The following ENPP2 variants were observed in gnomAD, a reference collection of about 807,000 sequenced individuals.
The protein encoded by ENPP2 is autotaxin.
ENPP2 carries 51 observed loss-of-function variants against 120.2 expected under a neutral mutation model. The observed-to-expected ratio is 0.42, with a 90% CI of 0.34 to 0.54. The LOEUF (loss-of-function observed/expected upper bound fraction) is 0.54. ENPP2 is among the 20% of genes least tolerant of loss of function. The pLI is 0.04. For synonymous variants in ENPP2, 365 were observed against 366.4 expected (o/e 1.00, Z 0.04); for missense variants, 920 against 1,066.5 (o/e 0.86, Z 1.91).
intron 8 of ENPP2, 136 bp downstream of exon 8, chr8:119,616,129 A>C (rs1214776806): frequency 1.4e-6 from 1 of 690,382 alleles, no homozygotes; most frequent in African/African-American, 1.8e-5. Flanking sequence ...TGTATATTAA[A>C]AGTATCAAAA....
chr8:119,623,284 T>C (rs1460141182), intron 3 of ENPP2, among the ~76,000 whole-genome samples: 3 of 151,916 alleles, frequency 2.0e-5, no homozygotes. Context: ...GCCAACATGG[T>C]GAAACCCCGT....
At chr8:119,573,408 TA>T (rs35227070) in intron 19 of ENPP2, among the ~76,000 whole-genome samples, 344 of 124,356 alleles carry the variant, frequency 2.8e-3, no homozygotes, top group East Asian at 3.0e-3. Context: ...CTCCGTCTCT[TA>T]AAAAAAAAAA....
chr8:119,617,620 C>A (rs920875833), intron 5 of ENPP2, 57 bp from the exon 6 acceptor site: 1 of 1,179,376 alleles, frequency 8.5e-7, no homozygotes, highest in Non-Finnish European at 1.2e-6. Flanking sequence ...TGCCATTACG[C>A]CTAGTGATTC....
chr8:119,597,991 C>T (rs1456026191), intron 11 of ENPP2, among the ~76,000 whole-genome samples: 1 of 152,018 alleles, frequency 6.6e-6, no homozygotes, highest in Non-Finnish European at 1.5e-5. Flanking sequence ...GTAAAAGATA[C>T]GTTACTGATT....
intron 1 of ENPP2, among the ~76,000 whole-genome samples, chr8:119,665,248 G>A (rs1364122662): frequency 4.6e-5 from 7 of 152,124 alleles, no homozygotes; most frequent in Non-Finnish European, 8.8e-5. Context: ...AACATCTTTC[G>A]TTTATTCTAT....
Position 119,570,858 on chromosome 8 carries a change from AT to A in ENPP2, c.1781-18del, listed in dbSNP as rs761804906. ...GGTGTCTCTCTAAAAAAGAAAAAAA[AT>A]AAACTGTGTTAGGTGCATATTAAAT... On this transcript the variant is annotated intron_variant, in intron 19 of 24. Coordinates refer to ENST00000075322, the MANE Select transcript of ENPP2 (RefSeq NM_001040092.3). 4.5e-5 allele frequency: 69 copies of A among 1,529,796 alleles called. No individual in the cohort carries two copies. Among genetic ancestry groups the A allele is most frequent in the Middle Eastern group, 1.7e-4 (1 of 5,774 alleles). The allele number at this position is 1,529,796 out of a possible 1,614,324, so 94.8% of individuals were successfully genotyped here.
chr8:119,581,278 A>AAAG (rs1317648020), intron 18 of ENPP2, among the ~76,000 whole-genome samples: 1 of 151,674 alleles, frequency 6.6e-6, no homozygotes, highest in Non-Finnish European at 1.5e-5. Context: ...AAAAAAAAAA[A>AAAG]AAAAAGAAAA....
At chr8:119,579,619 G>A (rs1030992646) in intron 19 of ENPP2, among the ~76,000 whole-genome samples, 5 of 151,276 alleles carry the variant, frequency 3.3e-5, no homozygotes, top group African/African-American at 7.3e-5. Context: ...ATACGTGCTC[G>A]TTATCATTGT....
chr8:119,644,028 TAG>T (rs142788108), intron 1 of ENPP2, among the ~76,000 whole-genome samples: 2,240 of 151,910 alleles, frequency 0.015, 32 homozygotes, highest in Middle Eastern at 0.1. Context: ...GAAGTGAGTA[TAG>T]AGAGAAGTGA....
chr8:119,633,164 T>C (rs953266321), intron 2 of ENPP2, among the ~76,000 whole-genome samples: 62 of 152,346 alleles, frequency 4.1e-4, no homozygotes, highest in African/African-American at 1.4e-3. Flanking sequence ...ACAAAAGTTA[T>C]GGCCAAAACA....
rs200912118 is a variant in ENPP2, at chr8:119,593,715, C to T, written c.1081+37G>A. 1.8e-4 allele frequency: 217 copies of T among 1,193,614 alleles called. No individual in the cohort carries two copies. The African/African-American group carries it at 3.0e-3, about 16-fold the overall frequency. The allele number at this position is 1,193,614 out of a possible 1,614,324, so 73.9% of individuals were successfully genotyped here. ...CCTCAATATGATCAGAAACATTATCCATCTATCCTATTAGCAAAGAAAAAA... is the reference window on the plus strand; with the variant it reads ...CCTCAATATGATCAGAAACATTATCTATCTATCCTATTAGCAAAGAAAAAA... On this transcript the variant is annotated intron_variant, in intron 12 of 24. Coordinates refer to ENST00000075322, the MANE Select transcript of ENPP2 (RefSeq NM_001040092.3).
At chr8:119,658,474 T>C (rs1289310139) in intron 1 of ENPP2, among the ~76,000 whole-genome samples, 1 of 152,236 alleles carries the variant, frequency 6.6e-6, no homozygotes, top group African/African-American at 2.4e-5. Context: ...TTCACTGTAT[T>C]GCCCAGGCTA....
intron 3 of ENPP2, among the ~76,000 whole-genome samples, chr8:119,621,914 A>C (rs1425819663): frequency 1.3e-5 from 2 of 152,004 alleles, no homozygotes; most frequent in Non-Finnish European, 2.9e-5. Context: ...GGGTGTGCTT[A>C]GCTTTATTTT....
intron 10 of ENPP2, 79 bp from the exon 11 acceptor site, chr8:119,600,829 T>C: frequency 1.2e-6 from 1 of 855,614 alleles, no homozygotes; most frequent in Non-Finnish European, 1.9e-6. Context: ...AAAAAACGCA[T>C]TTAAAAAAAA....
exon 1 of ENPP2, chr8:119,673,304 G>T: frequency 1.3e-6 from 2 of 1,534,860 alleles, no homozygotes; most frequent in Non-Finnish European, 1.7e-6. Flanking sequence ...GTTCCTGCCC[G>T]GGCGCTGCGG....
intron 2 of ENPP2, among the ~76,000 whole-genome samples, chr8:119,627,535 A>C (rs933691505): frequency 6.6e-6 from 1 of 151,366 alleles, no homozygotes; most frequent in Non-Finnish European, 1.5e-5. Flanking sequence ...ACCAACATAC[A>C]TGAGAAAAGT....
At chr8:119,592,473 CAAAAAAAAA>C (rs61330053) in intron 12 of ENPP2, among the ~76,000 whole-genome samples, 5 of 54,934 alleles carry the variant, frequency 9.1e-5, no homozygotes, top group Non-Finnish European at 1.0e-4. Flanking sequence ...AACTCCACCT[CAAAAAAAAA>C]AAAAAAAAAA....
intron 9 of ENPP2, 117 bp downstream of exon 9, chr8:119,607,805 A>G (rs906221593): frequency 3.6e-5 from 24 of 668,526 alleles, no homozygotes; most frequent in Non-Finnish European, 6.0e-5. Flanking sequence ...TTTAGTAAAT[A>G]TTCAAAAGTT....
chr8:119,618,693 AT>A (rs1296978732), intron 5 of ENPP2, among the ~76,000 whole-genome samples: 3 of 150,960 alleles, frequency 2.0e-5, no homozygotes, highest in Admixed American at 6.6e-5. Context: ...GCGCTGGCTA[AT>A]TTTTTTTGTA....
Sources: gnomAD v4.1 joint callset for allele counts (sites outside exome capture counted in the v4.1 genomes callset) on GRCh38, gnomAD v4.1.1 for gene constraint, MANE v1.5 for transcripts, NCBI Gene and HGNC (gene_info 2026-07-23, HGNC 2026-07-21) for gene names.